NELL2: variants seen among roughly 807,000 people sequenced by gnomAD.
NELL2 encodes neural EGFL like 2, also known as protein kinase C-binding protein NELL2.
In NELL2, 41 loss-of-function variants were observed where a neutral mutation model predicts 109.6. That is an observed-to-expected ratio of 0.37 (90% CI 0.29 to 0.49). The LOEUF (loss-of-function observed/expected upper bound fraction) is 0.49, where lower values mean the gene tolerates loss of function less well. NELL2 is among the 20% of genes least tolerant of loss of function. The probability of loss-of-function intolerance (pLI) is 0.98; values close to 1 mark genes in which losing one functional copy is unlikely to be tolerated. For synonymous variants in NELL2, 355 were observed against 344.7 expected, an observed-to-expected ratio of 1.03 and a Z score of -0.33; for missense variants, 900 against 1,008.3, an observed-to-expected ratio of 0.89 and a Z score of 1.45.
intron 12 of NELL2, among the ~76,000 whole-genome samples, chr12:44,666,000 A>G (rs1037391508): frequency 6.6e-6 from 1 of 152,166 alleles, no homozygotes; most frequent in Non-Finnish European, 1.5e-5. Flanking sequence ...TGTACAGTTG[A>G]GCAGACCCTG....
intron 11 of NELL2, among the ~76,000 whole-genome samples, chr12:44,707,022 AAG>A (rs1231945880): frequency 6.6e-6 from 1 of 152,222 alleles, no homozygotes; most frequent in Non-Finnish European, 1.5e-5. Context: ...TATCAAGAGA[AAG>A]AGAATACAAT....
chr12:44,840,568 C>T (rs1008721425), intron 2 of NELL2, among the ~76,000 whole-genome samples: 3 of 151,358 alleles, frequency 2.0e-5, no homozygotes, highest in Middle Eastern at 3.4e-3. Flanking sequence ...ACCCGGGAGG[C>T]GGAGCTTGCA....
intron 3 of NELL2, among the ~76,000 whole-genome samples, chr12:44,802,067 G>A (rs1448608306): frequency 4.0e-5 from 6 of 151,890 alleles, no homozygotes; most frequent in South Asian, 2.1e-4. Context: ...TGTTTGTACC[G>A]TTTTCATATT....
At chr12:44,909,225 A>C (rs1366136358) in intron 1 of NELL2, among the ~76,000 whole-genome samples, 2 of 152,024 alleles carry the variant, frequency 1.3e-5, no homozygotes, top group East Asian at 3.9e-4. Flanking sequence ...AAATAACTTC[A>C]GTAAAGTTTC....
chr12:44,557,896 A>G (rs1943317307), intron 15 of NELL2, among the ~76,000 whole-genome samples: 1 of 152,228 alleles, frequency 6.6e-6, no homozygotes, highest in Non-Finnish European at 1.5e-5. Context: ...GGATTTCAAC[A>G]AAGAGAACTG....
At chr12:44,611,715 G>A (rs1945631583) in intron 13 of NELL2, among the ~76,000 whole-genome samples, 1 of 152,002 alleles carries the variant, frequency 6.6e-6, no homozygotes, top group Non-Finnish European at 1.5e-5. Context: ...CCATTTTCAA[G>A]GTGACTCAAC....
At chr12:44,713,721 G>T (rs1045082768) in intron 10 of NELL2, among the ~76,000 whole-genome samples, 1 of 151,802 alleles carries the variant, frequency 6.6e-6, no homozygotes, top group Admixed American at 6.6e-5. Flanking sequence ...TATCTCAAAG[G>T]ATTTCCAAAT....
intron 9 of NELL2, among the ~76,000 whole-genome samples, chr12:44,738,589 T>C (rs1939775058): frequency 6.6e-6 from 1 of 152,056 alleles, no homozygotes; most frequent in African/African-American, 2.4e-5. Flanking sequence ...GTCTCACTTA[T>C]ATGTGGAAAC....
intron 2 of NELL2, among the ~76,000 whole-genome samples, chr12:44,816,503 T>C (rs1566460203): frequency 6.6e-6 from 1 of 152,236 alleles, no homozygotes; most frequent in Non-Finnish European, 1.5e-5. Flanking sequence ...AAAGATGTGC[T>C]TCCTAGAATA....
At chr12:44,662,399 A>G (rs1455983207) in intron 13 of NELL2, among the ~76,000 whole-genome samples, 1 of 152,188 alleles carries the variant, frequency 6.6e-6, no homozygotes, top group Non-Finnish European at 1.5e-5. Context: ...CAAACAGTGA[A>G]TAGTATAAGA....
At chr12:44,775,118 C>T (rs1255356687) in intron 8 of NELL2, among the ~76,000 whole-genome samples, 1 of 151,034 alleles carries the variant, frequency 6.6e-6, no homozygotes, top group Non-Finnish European at 1.5e-5. Context: ...CTTCACTATA[C>T]CACATTCCGT....
In NELL2 at chr12:44,518,618, G is replaced by A. The variant is rs530921020; in HGVS notation, c.2400+1387C>T. Among the ~76,000 whole-genome samples the A allele has an allele frequency of 2.6e-5, 4 of 152,098 alleles. No homozygotes were observed. The East Asian group carries it at 7.7e-4, about 29-fold the overall frequency. On this transcript the variant is annotated intron_variant, in intron 19 of 19. Coordinates refer to ENST00000429094, the MANE Select transcript of NELL2 (RefSeq NM_001145108.2). ...TATTACTGTATGCATTTTTCTTACT[G>A]GAAATATCCATCTGTGCTATATTTC... is the stretch of plus-strand genomic sequence containing the variant.
intron 12 of NELL2, among the ~76,000 whole-genome samples, chr12:44,689,824 A>G (rs908464926): frequency 1.3e-5 from 2 of 152,150 alleles, no homozygotes; most frequent in African/African-American, 4.8e-5. Context: ...ACATCCTACA[A>G]TGCACAGGAC....
rs1772717221 is a variant in NELL2, at chr12:44,875,906, A to C, written c.-37T>G. On this transcript the variant is annotated 5_prime_UTR_variant, in exon 1 of 20. Coordinates refer to ENST00000429094, the MANE Select transcript of NELL2 (RefSeq NM_001145108.2). ...GCTCAGTCCATCGTCTCCCTCTTTA[A>C]AAATAAAAATAAAAATCGAAGAGGT... The C allele has an allele frequency of 6.2e-7, 1 of 1,612,794 alleles. No homozygotes were observed. The highest frequency in any genetic ancestry group is 1.3e-5 in the African/African-American group (1 of 74,942).
intron 9 of NELL2, among the ~76,000 whole-genome samples, chr12:44,763,092 C>T (rs533711818): frequency 3.8e-4 from 58 of 152,294 alleles, no homozygotes; most frequent in African/African-American, 1.1e-3. Flanking sequence ...TCTCCCCCAG[C>T]TCTAAGTCCT....
intron 15 of NELL2, among the ~76,000 whole-genome samples, chr12:44,566,530 TACTC>T (rs1375929979): frequency 3.4e-5 from 2 of 58,440 alleles, no homozygotes; most frequent in East Asian, 1.2e-3. Context: ...ATATTACACA[TACTC>T]ACACACACAC....
intron 9 of NELL2, among the ~76,000 whole-genome samples, chr12:44,729,075 T>C (rs1939229278): frequency 3.9e-5 from 6 of 151,952 alleles, no homozygotes; most frequent in Admixed American, 3.9e-4. Context: ...TACAGACAAA[T>C]ACAGAATACT....
chr12:44,654,999 T>A (rs1947447145), intron 13 of NELL2, among the ~76,000 whole-genome samples: 1 of 152,156 alleles, frequency 6.6e-6, no homozygotes, highest in African/African-American at 2.4e-5. Context: ...AATCCTCTCC[T>A]CTGCAGGTGT....
chr12:44,604,641 C>A (rs527582378), intron 15 of NELL2, among the ~76,000 whole-genome samples: 1 of 152,132 alleles, frequency 6.6e-6, no homozygotes, highest in South Asian at 2.1e-4. Context: ...AGATTCACTG[C>A]CTGGGGGTGG....
Sources: gnomAD v4.1 joint callset for allele counts (sites outside exome capture counted in the v4.1 genomes callset) on GRCh38, gnomAD v4.1.1 for gene constraint, MANE v1.5 for transcripts, NCBI Gene and HGNC (gene_info 2026-07-23, HGNC 2026-07-21) for gene names.